Variants in TBC1D22A observed in about 807,000 individuals in gnomAD.
TBC1D22A encodes the protein TBC1 domain family member 22A, also known as putative GTPase activator.
In TBC1D22A, 38 loss-of-function variants were observed where a neutral mutation model predicts 60.2. That is an observed-to-expected ratio of 0.63 (90% CI 0.49 to 0.83). TBC1D22A has a LOEUF of 0.83. Among genes scored for constraint, TBC1D22A ranks in the 40% least tolerant of loss-of-function variants. The pLI is 0.00. For synonymous variants in TBC1D22A, 302 were observed against 281.7 expected, an observed-to-expected ratio of 1.07 and a Z score of -0.72; for missense variants, 628 against 701.0, an observed-to-expected ratio of 0.90 and a Z score of 1.18.
intron 5 of TBC1D22A, among the ~76,000 whole-genome samples, chr22:46,881,228 C>T (rs779832643): frequency 1.3e-5 from 2 of 152,096 alleles, no homozygotes; most frequent in East Asian, 1.9e-4. Flanking sequence ...TTGAAAGAGC[C>T]GTTGGTTGGT....
intron 4 of TBC1D22A, among the ~76,000 whole-genome samples, chr22:46,869,673 G>A (rs552264038): frequency 2.0e-5 from 3 of 152,330 alleles, no homozygotes; most frequent in East Asian, 1.9e-4. Context: ...GACACTCAGC[G>A]TTTAGCCTAG....
chr22:46,950,003 C>T (rs191341858), intron 8 of TBC1D22A, among the ~76,000 whole-genome samples: 1 of 152,262 alleles, frequency 6.6e-6, no homozygotes, highest in Admixed American at 6.5e-5. Context: ...CATTGGTTAA[C>T]GTGGGTTAAC....
At chr22:46,799,002 A>T (rs898383821) in intron 4 of TBC1D22A, among the ~76,000 whole-genome samples, 17 of 151,234 alleles carry the variant, frequency 1.1e-4, no homozygotes, top group African/African-American at 4.1e-4. Flanking sequence ...CTCTGAGTAG[A>T]GTTCTCAGAG....
intron 8 of TBC1D22A, among the ~76,000 whole-genome samples, chr22:46,949,101 A>T (rs1357190205): frequency 6.6e-6 from 1 of 152,128 alleles, no homozygotes; most frequent in Admixed American, 6.5e-5. Context: ...AGGGAGCACA[A>T]ATTTGGGCTC....
rs2068394220 is a variant in TBC1D22A at position 46,891,301 on chromosome 22, C to T, written c.744C>T (p.Ala248=). ...CCGCCAATGTAGACCGGAGACCAGC[C>T]ACTCTCCAGAGAAAACAAAAAGAAT... The part of the protein sequence containing the change: ...YLPANVDRRP[A]TLQRKQKEYF... Residue 248 remains alanine (A), a synonymous_variant, in exon 6 of 13, where the codon GCC becomes GCT. Coordinates refer to ENST00000337137, the MANE Select transcript of TBC1D22A (RefSeq NM_014346.5). 9 of 1,612,812 alleles carry T rather than the reference C, an allele frequency of 5.6e-6. No individual in the cohort carries two copies. Among genetic ancestry groups the T allele is most frequent in the Non-Finnish European group, 6.8e-6 (8 of 1,179,640 alleles).
intron 3 of TBC1D22A, 120 bp from the exon 4 acceptor site, chr22:46,797,324 T>C: frequency 3.6e-6 from 4 of 1,116,912 alleles, no homozygotes; most frequent in Non-Finnish European, 5.2e-6. Context: ...AGGTCCCCAC[T>C]GCTGAGTGAT....
intron 12 of TBC1D22A, among the ~76,000 whole-genome samples, chr22:47,139,386 G>A (rs929134903): frequency 1.3e-5 from 2 of 152,198 alleles, no homozygotes; most frequent in Admixed American, 6.5e-5. Context: ...TGTGCACCTC[G>A]AGACAGGTGT....
At chr22:46,909,566 G>A (rs911801099) in intron 7 of TBC1D22A, among the ~76,000 whole-genome samples, 34 of 152,286 alleles carry the variant, frequency 2.2e-4, no homozygotes, top group African/African-American at 8.2e-4. Flanking sequence ...GGAGGTGCTG[G>A]GCAGAGTTTC....
At chr22:46,908,758 G>A (rs1182020896) in intron 7 of TBC1D22A, among the ~76,000 whole-genome samples, 1 of 152,186 alleles carries the variant, frequency 6.6e-6, no homozygotes, top group Non-Finnish European at 1.5e-5. Context: ...CTGTGAAAGG[G>A]CACTCACTTG....
At chr22:46,924,543 G>T (rs2070936566) in intron 8 of TBC1D22A, among the ~76,000 whole-genome samples, 1 of 152,090 alleles carries the variant, frequency 6.6e-6, no homozygotes, top group Non-Finnish European at 1.5e-5. Flanking sequence ...TCAGGAGTTC[G>T]AGACCAGCCC....
chr22:46,964,290 G>A (rs764570825), intron 8 of TBC1D22A, among the ~76,000 whole-genome samples: 7 of 152,192 alleles, frequency 4.6e-5, no homozygotes, highest in Non-Finnish European at 7.4e-5. Flanking sequence ...TTATTTGTGG[G>A]GCTGTTCTGC....
rs76355515 is a variant in TBC1D22A, at chr22:47,068,793, T to C, written c.1329+31595T>C. On this transcript the variant is annotated intron_variant, in intron 11 of 12. Transcript: ENST00000337137. The stretch of plus-strand genomic sequence containing the variant: ...CATGCAAATGAGGCCAGGGTGCAGA[T>C]TGTGGTAGAACAATGCTGGCAGCCT... Among the ~76,000 whole-genome samples the C allele has an allele frequency of 2.8e-4, 43 of 152,310 alleles. No homozygotes were observed. The East Asian group carries it at 4.6e-3, about 16-fold the overall frequency.
At position 47,075,082 on chromosome 22, in the gene TBC1D22A, G is replaced by A. The variant is rs371974880; in HGVS notation, c.1330-36426G>A. On this transcript the variant is annotated intron_variant, in intron 11 of 12. Transcript: ENST00000337137. The stretch of plus-strand genomic sequence containing the variant: ...ACTAAAAATACAAAAAATTAGCCAC[G>A]CATGTTGGCGGGCGCCTGTAGTCCC... Among the ~76,000 whole-genome samples the A allele has an allele frequency of 1.2e-3, 182 of 152,198 alleles. 1 individual carries two copies. The highest frequency in any genetic ancestry group is 2.2e-3 in the Non-Finnish European group (149 of 68,016).
rs1463065553 is a variant in TBC1D22A at position 46,861,487 on chromosome 22, C to T, written c.638-17166C>T. On this transcript the variant is annotated intron_variant, in intron 4 of 12. Transcript: ENST00000337137. The stretch of plus-strand genomic sequence containing the variant: ...AGGTGGCCGGAGACCCCAGGGGGCC[C>T]TCCCCTTTATTCAGAACTTGCAGGA... Among the ~76,000 whole-genome samples, 3 of 152,312 alleles carry T rather than the reference C, an allele frequency of 2.0e-5. No individual in the cohort carries two copies. In the East Asian group the frequency reaches 5.8e-4, roughly 29 times the overall value.
Position 47,173,507 on chromosome 22 carries a change from C to T in TBC1D22A, c.1435C>T (p.Leu479Phe). The change falls in exon 13 of 13, where the codon CTC becomes TTC. Residue 479 changes from leucine to phenylalanine, a missense_variant. Transcript: ENST00000337137. ...GTCTCTTTCTCCCCAGGAGCTGCTGCTCTTCCTCCAGAACCTGCCCACAGC... is the reference window on the plus strand; with the variant it reads ...GTCTCTTTCTCCCCAGGAGCTGCTGTTCTTCCTCCAGAACCTGCCCACAGC... ...LEEKDFQELL[L>F]FLQNLPTAHW... 3 of 1,614,046 alleles carry T rather than the reference C, an allele frequency of 1.9e-6. No individual in the cohort carries two copies. Among genetic ancestry groups the T allele is most frequent in the Non-Finnish European group, 2.5e-6 (3 of 1,179,952 alleles).
chr22:47,089,610 C>T (rs2064839094), intron 11 of TBC1D22A, among the ~76,000 whole-genome samples: 1 of 152,194 alleles, frequency 6.6e-6, no homozygotes, highest in Admixed American at 6.5e-5. Context: ...AGGTGTCACT[C>T]TAGTCACCAG....
intron 1 of TBC1D22A, among the ~76,000 whole-genome samples, chr22:46,771,080 T>G (rs983032201): frequency 6.6e-6 from 1 of 152,234 alleles, no homozygotes; most frequent in African/African-American, 2.4e-5. Context: ...ATAAATTGAA[T>G]GTGAATCATA....
chr22:47,033,770 G>T (rs1167767142), intron 10 of TBC1D22A, among the ~76,000 whole-genome samples: 1 of 152,204 alleles, frequency 6.6e-6, no homozygotes, highest in East Asian at 1.9e-4. Context: ...GCGCGGGGAA[G>T]CCTGCGTGGT....
intron 10 of TBC1D22A, among the ~76,000 whole-genome samples, chr22:47,010,409 C>G (rs1026908729): frequency 1.3e-5 from 2 of 152,188 alleles, no homozygotes; most frequent in African/African-American, 4.8e-5. Context: ...GATATTTCAT[C>G]TGAGACGTAA....
Sources: gnomAD v4.1 joint callset for allele counts (sites outside exome capture counted in the v4.1 genomes callset) on GRCh38, gnomAD v4.1.1 for gene constraint, MANE v1.5 for transcripts, NCBI Gene and HGNC (gene_info 2026-07-23, HGNC 2026-07-21) for gene names.